ARAP2: variants seen among roughly 807,000 people sequenced by gnomAD.
The protein encoded by ARAP2 is ArfGAP with RhoGAP domain, ankyrin repeat and PH domain 2, also known as arf-GAP with Rho-GAP domain, ANK repeat and PH domain-containing protein 2.
A neutral mutation model predicts 194.5 loss-of-function variants in ARAP2; 148 were observed. The observed-to-expected ratio is 0.76, with a 90% CI of 0.67 to 0.87. The LOEUF is 0.87. Ranked by LOEUF, ARAP2 falls within the 40% of genes least tolerant of loss-of-function variation. ARAP2 has a pLI of 0.00. For missense variants in ARAP2, 2,128 were observed against 1,989.7 expected, an observed-to-expected ratio of 1.07 and a Z score of -1.32; for synonymous variants, 695 against 683.5, an observed-to-expected ratio of 1.02 and a Z score of -0.26.
intron 32 of ARAP2, among the ~76,000 whole-genome samples, chr4:36,071,639 A>T (rs1726925584): frequency 6.6e-6 from 1 of 151,048 alleles, no homozygotes; most frequent in African/African-American, 2.4e-5. Flanking sequence ...ATTCATTGTT[A>T]TGACTGATTT....
chr4:36,065,494 G>A, downstream of ARAP2: 2 of 325,028 alleles, frequency 6.2e-6, no homozygotes, highest in South Asian at 2.4e-5. Context: ...CCCTAGAAAT[G>A]GGGACAGCAT....
intron 2 of ARAP2, among the ~76,000 whole-genome samples, chr4:36,056,326 C>T (rs531331084): frequency 6.6e-6 from 1 of 152,098 alleles, no homozygotes; most frequent in East Asian, 1.9e-4. Flanking sequence ...TGGACTGTGA[C>T]CCTTGAAGCT....
intron 15 of ARAP2, among the ~76,000 whole-genome samples, chr4:36,155,491 A>G (rs1370833488): frequency 1.3e-5 from 2 of 152,090 alleles, no homozygotes; most frequent in African/African-American, 4.8e-5. Flanking sequence ...AAGGTCCAGA[A>G]GAGGCAGAAA....
At chr4:36,082,160 T>G (rs1401095150) in intron 30 of ARAP2, 91 bp downstream of exon 30, 2 of 1,212,378 alleles carry the variant, frequency 1.6e-6, no homozygotes, top group African/African-American at 3.1e-5. Flanking sequence ...ACACTTTCCG[T>G]CTGTAGTTCT....
At chr4:36,135,683 ATTT>A (rs901210994) in intron 19 of ARAP2, among the ~76,000 whole-genome samples, 7 of 151,780 alleles carry the variant, frequency 4.6e-5, no homozygotes, top group African/African-American at 1.7e-4. Flanking sequence ...AACTCAGATA[ATTT>A]TTTGAGAAAC....
At chr4:36,227,454 A>C (rs1190041984) in intron 2 of ARAP2, among the ~76,000 whole-genome samples, 1 of 152,180 alleles carries the variant, frequency 6.6e-6, no homozygotes, top group Non-Finnish European at 1.5e-5. Flanking sequence ...TTTATGCTCT[A>C]ATAGGAGATA....
intron 11 of ARAP2, 37 bp downstream of exon 11, chr4:36,164,877 C>T (rs1734911539): frequency 6.3e-7 from 1 of 1,598,580 alleles, no homozygotes; most frequent in African/African-American, 1.3e-5. Flanking sequence ...GCCAATCTGC[C>T]ACAAAGCTGT....
At chr4:36,213,344 A>G in intron 3 of ARAP2, 25 bp from the exon 4 acceptor site, 1 of 1,497,406 alleles carries the variant, frequency 6.7e-7, no homozygotes, top group Non-Finnish European at 9.3e-7. Context: ...ACAGGATGAG[A>G]ACAGAAAGAT....
intron 15 of ARAP2, among the ~76,000 whole-genome samples, chr4:36,152,792 G>A (rs1483225424): frequency 1.3e-5 from 2 of 152,168 alleles, no homozygotes; most frequent in Non-Finnish European, 2.9e-5. Flanking sequence ...TATCAGGAAA[G>A]AACAGTATGA....
chr4:36,013,131 G>T (rs1187221386), intron 8 of ARAP2, among the ~76,000 whole-genome samples: 2 of 152,066 alleles, frequency 1.3e-5, no homozygotes, highest in African/African-American at 4.8e-5. Context: ...TCAACATTAG[G>T]TTTTAAGGAA....
intron 9 of ARAP2, among the ~76,000 whole-genome samples, chr4:36,173,344 CTTAT>C (rs950784664): frequency 3.3e-5 from 5 of 151,932 alleles, no homozygotes; most frequent in African/African-American, 7.3e-5. Context: ...ATTTGATTAC[CTTAT>C]TTAAACTTTT....
At chr4:36,101,211 G>C (rs1034075383) in intron 27 of ARAP2, among the ~76,000 whole-genome samples, 2 of 151,860 alleles carry the variant, frequency 1.3e-5, no homozygotes, top group South Asian at 2.1e-4. Context: ...CAGGTGGCAG[G>C]GGGGAGACGT....
rs35050889 is a variant in ARAP2 at position 36,101,396 on chromosome 4, GT to G, written c.4285+6168del. Among the ~76,000 whole-genome samples, 860 of 149,980 alleles carry G rather than the reference GT, an allele frequency of 5.7e-3. 7 individuals are homozygous for G. The highest frequency in any genetic ancestry group is 0.02 in the African/African-American group (804 of 41,112). Reference sequence around the variant, plus strand: ...CAGGATTTAATACAAAAGTACCAGAGTTTTTTTTTTTTTGCTATTTTACTAC... The same window carrying G: ...CAGGATTTAATACAAAAGTACCAGAGTTTTTTTTTTTTGCTATTTTACTAC... On this transcript the variant is annotated intron_variant, in intron 27 of 32. Coordinates refer to ENST00000303965, the MANE Select transcript of ARAP2 (RefSeq NM_015230.4).
chr4:36,214,544 A>T, intron 2 of ARAP2, 64 bp from the exon 3 acceptor site: 7 of 1,077,674 alleles, frequency 6.5e-6, no homozygotes, highest in Non-Finnish European at 9.2e-6. Flanking sequence ...GAGTAAAATT[A>T]AAATTATTAG....
Position 36,150,980 on chromosome 4 carries a change from A to G in ARAP2, c.2817T>C (p.Ser939=). 6.2e-7 allele frequency: 1 copy of G among 1,612,706 alleles called. No individual in the cohort carries two copies. The highest frequency in any genetic ancestry group is 8.5e-7 in the Non-Finnish European group (1 of 1,179,326). The change falls in exon 16 of 33, where the codon TCT becomes TCC. Residue 939 remains serine (S), a synonymous_variant. Coordinates refer to ENST00000303965, the MANE Select transcript of ARAP2 (RefSeq NM_015230.4). ...TATTAATGGTGCCATTAGGTGTGGT[A>G]GACTTATCATTTTCATAGTAACTCA... The part of the protein sequence containing the change: ...GFLSYYENDK[S]TTPNGTININ...
At chr4:36,114,357 T>C (rs1655740893) in intron 25 of ARAP2, 70 bp from the exon 26 acceptor site, 2 of 899,112 alleles carry the variant, frequency 2.2e-6, no homozygotes. Flanking sequence ...AGGTCAATAA[T>C]ATTCCCCATC....
At chr4:36,241,750 A>G (rs1753554629) in intron 1 of ARAP2, among the ~76,000 whole-genome samples, 1 of 152,184 alleles carries the variant, frequency 6.6e-6, no homozygotes, top group Admixed American at 6.5e-5. Flanking sequence ...AGAAAAATCC[A>G]ATTTTATGAC....
intron 28 of ARAP2, among the ~76,000 whole-genome samples, chr4:36,090,223 G>A (rs771933996): frequency 2.6e-5 from 4 of 151,978 alleles, no homozygotes; most frequent in Admixed American, 6.6e-5. Flanking sequence ...CTGAATCCCC[G>A]AACAGACCAA....
chr4:36,121,874 A>G (rs1160229832), intron 22 of ARAP2, among the ~76,000 whole-genome samples: 1 of 151,756 alleles, frequency 6.6e-6, no homozygotes, highest in African/African-American at 2.4e-5. Flanking sequence ...ATCACAAGGC[A>G]GACTACTTTA....
Sources: allele counts gnomAD v4.1 joint callset (sites outside exome capture counted in the v4.1 genomes callset), GRCh38; gene constraint gnomAD v4.1.1; transcripts MANE v1.5; gene names NCBI Gene and HGNC (gene_info 2026-07-23, HGNC 2026-07-21).